Variants in DLGAP1 observed in about 807,000 individuals in gnomAD.
DLGAP1 encodes the protein DLG associated protein 1, also known as disks large-associated protein 1.
DLGAP1 carries 11 observed loss-of-function variants against 90.8 expected under a neutral mutation model. The observed-to-expected ratio is 0.12, with a 90% CI of 0.08 to 0.20. The LOEUF (loss-of-function observed/expected upper bound fraction) is 0.20, where lower values mean the gene tolerates loss of function less well. Ranked by LOEUF, DLGAP1 falls within the 10% of genes least tolerant of loss-of-function variation. The pLI, the probability that DLGAP1 is intolerant of heterozygous loss-of-function variation, is 1.00. For synonymous variants in DLGAP1, 558 were observed against 540.7 expected, an observed-to-expected ratio of 1.03 and a Z score of -0.44; for missense variants, 1,050 against 1,333.8, an observed-to-expected ratio of 0.79 and a Z score of 3.31.
intron 2 of DLGAP1, among the ~76,000 whole-genome samples, chr18:4,088,757 T>A (rs1008286587): frequency 6.6e-6 from 1 of 152,154 alleles, no homozygotes. Context: ...CATTCCTTCA[T>A]GTTAAAAAAA....
rs1304666476 is a variant in DLGAP1, at chr18:3,729,999, T to C, written c.1351-624A>G. On this transcript the variant is annotated intron_variant, in intron 6 of 12. Transcript: ENST00000315677. The surrounding 1 kb of genome is among the most constrained non-coding windows in gnomAD (Gnocchi z 6.2). ...TATATTTTCTGGCAAGATACTCACG[T>C]TTTGCACAAAAATAGACTAAACTCA... Among the ~76,000 whole-genome samples the C allele has an allele frequency of 6.6e-6, 1 of 152,166 alleles. No homozygotes were observed. Among genetic ancestry groups the C allele is most frequent in the Non-Finnish European group, 1.5e-5 (1 of 68,028 alleles).
chr18:4,093,152 A>T (rs1195410183), intron 2 of DLGAP1, among the ~76,000 whole-genome samples: 3 of 152,162 alleles, frequency 2.0e-5, no homozygotes, highest in Admixed American at 6.5e-5. Flanking sequence ...ATGTGTATGT[A>T]TGTATGTATG....
At chr18:4,092,986 G>A (rs569003941) in intron 2 of DLGAP1, among the ~76,000 whole-genome samples, 5 of 152,298 alleles carry the variant, frequency 3.3e-5, no homozygotes, top group Non-Finnish European at 7.3e-5. Context: ...AACCCACATC[G>A]TCCTGGAGGA....
intron 5 of DLGAP1, among the ~76,000 whole-genome samples, chr18:3,751,285 C>T (rs991694105): frequency 6.6e-6 from 1 of 152,094 alleles, no homozygotes; most frequent in African/African-American, 2.4e-5. Flanking sequence ...TGCTGTAAAA[C>T]ATTTTTCATT....
chr18:4,402,752 T>C (rs1265470300), intron 1 of DLGAP1, among the ~76,000 whole-genome samples: 1 of 152,024 alleles, frequency 6.6e-6, no homozygotes, highest in African/African-American at 2.4e-5. Flanking sequence ...ACCATTAGAG[T>C]CCATAATGTT....
intron 1 of DLGAP1, among the ~76,000 whole-genome samples, chr18:4,424,273 A>C (rs1165600626): frequency 6.6e-6 from 1 of 152,202 alleles, no homozygotes; most frequent in African/African-American, 2.4e-5. Flanking sequence ...AGATCTTTGA[A>C]TATTAAATAG....
chr18:3,984,788 C>T (rs889850790), intron 3 of DLGAP1, among the ~76,000 whole-genome samples: 5 of 151,980 alleles, frequency 3.3e-5, no homozygotes, highest in African/African-American at 1.2e-4. Flanking sequence ...AGCCCAGGTT[C>T]ATCTTTCCCC....
intron 1 of DLGAP1, among the ~76,000 whole-genome samples, chr18:4,257,973 A>ATGTGTGTGTGTGTGTG (rs10625642): frequency 4.2e-5 from 6 of 141,358 alleles, no homozygotes; most frequent in East Asian, 2.1e-4. Context: ...AGTTATACAT[A>ATGTGTGTGTGTGTGTG]TGTGTGTGTG....
chr18:3,709,844 C>A (rs2061547794), intron 7 of DLGAP1, among the ~76,000 whole-genome samples: 1 of 152,120 alleles, frequency 6.6e-6, no homozygotes, highest in Non-Finnish European at 1.5e-5. Flanking sequence ...CGTTGCCATG[C>A]CCAGTTAATA....
At chr18:3,823,755 G>A (rs1359080558) in intron 4 of DLGAP1, among the ~76,000 whole-genome samples, 1 of 151,914 alleles carries the variant, frequency 6.6e-6, no homozygotes, top group African/African-American at 2.4e-5. Context: ...TTTGAGACCA[G>A]CCTGGCCAAC....
In DLGAP1 at chr18:4,267,702, C is replaced by T. The variant is rs543088438; in HGVS notation, c.-266-116415G>A. On this transcript the variant is annotated intron_variant, in intron 1 of 12. Transcript: ENST00000315677. ...TAGTTGGGTGGTTCTGGCTCAGGAT[C>T]GCACATGAGGCTGCAGTGAAGCTGT... Among the ~76,000 whole-genome samples the T allele has an allele frequency of 1.6e-4, 24 of 152,240 alleles. No homozygotes were observed. The South Asian group carries it at 2.3e-3, about 14-fold the overall frequency.
intron 4 of DLGAP1, among the ~76,000 whole-genome samples, chr18:3,869,418 C>A (rs991945764): frequency 6.6e-6 from 1 of 152,112 alleles, no homozygotes; most frequent in Non-Finnish European, 1.5e-5. Context: ...TAGTCTGGCA[C>A]GGTGACCTGA....
chr18:4,247,682 CAGG>C (rs2078683110), intron 1 of DLGAP1, among the ~76,000 whole-genome samples: 1 of 152,100 alleles, frequency 6.6e-6, no homozygotes, highest in African/African-American at 2.4e-5. Context: ...GAGGCTGAGG[CAGG>C]AGAATCACTT....
chr18:3,890,728 A>G (rs2071437248), intron 3 of DLGAP1, among the ~76,000 whole-genome samples: 1 of 152,142 alleles, frequency 6.6e-6, no homozygotes, highest in Non-Finnish European at 1.5e-5. Flanking sequence ...TTTTGTTTGT[A>G]TTACATTTTA....
At chr18:4,127,470 A>C (rs932864809) in intron 2 of DLGAP1, among the ~76,000 whole-genome samples, 19 of 152,184 alleles carry the variant, frequency 1.2e-4, no homozygotes, top group African/African-American at 3.9e-4. Context: ...AAGATTTCAA[A>C]TTCAGAAGAA....
At chr18:4,079,587 G>A (rs916730578) in intron 2 of DLGAP1, among the ~76,000 whole-genome samples, 6 of 151,872 alleles carry the variant, frequency 4.0e-5, no homozygotes, top group East Asian at 1.9e-4. Flanking sequence ...TGGGTACAGC[G>A]TACACTGCTT....
chr18:4,088,958 C>G (rs1204135032), intron 2 of DLGAP1, among the ~76,000 whole-genome samples: 2 of 152,202 alleles, frequency 1.3e-5, no homozygotes, highest in African/African-American at 4.8e-5. Context: ...CCAGCGCAAG[C>G]AGGCAAGAGA....
At chr18:4,331,229 T>C (rs1238419728) in intron 1 of DLGAP1, among the ~76,000 whole-genome samples, 3 of 151,806 alleles carry the variant, frequency 2.0e-5, no homozygotes, top group Non-Finnish European at 4.4e-5. Context: ...TGCTTAAATG[T>C]ATCACGGGAC....
chr18:3,600,843 TATAG>T (rs1339013997), intron 7 of DLGAP1, among the ~76,000 whole-genome samples: 1 of 113,766 alleles, frequency 8.8e-6, no homozygotes, highest in East Asian at 2.3e-4. Flanking sequence ...TATAGATATA[TATAG>T]ATATATAGAT....
Sources: gnomAD v4.1 joint callset for allele counts (sites outside exome capture counted in the v4.1 genomes callset) on GRCh38, gnomAD v4.1.1 for gene constraint, Gnocchi (gnomAD v3.1) non-coding constraint, MANE v1.5 for transcripts, NCBI Gene and HGNC (gene_info 2026-07-23, HGNC 2026-07-21) for gene names.